GUCY2C: variants seen among roughly 807,000 people sequenced by gnomAD.
GUCY2C encodes guanylyl cyclase C.
A neutral mutation model predicts 131.1 loss-of-function variants in GUCY2C; 118 were observed. The observed-to-expected ratio is 0.90, with a 90% CI of 0.78 to 1.05. The LOEUF (loss-of-function observed/expected upper bound fraction) is 1.05, where lower values mean the gene tolerates loss of function less well. Ranked by LOEUF, GUCY2C falls within the 50% of genes least tolerant of loss-of-function variation. The pLI is 0.00. For missense variants in GUCY2C, 1,161 were observed against 1,304.4 expected (o/e 0.89, Z 1.69); for synonymous variants, 452 against 457.8 (o/e 0.99, Z 0.16).
intron 1 of GUCY2C, among the ~76,000 whole-genome samples, chr12:14,690,536 T>C (rs1369342935): frequency 2.0e-5 from 3 of 152,090 alleles, no homozygotes; most frequent in Non-Finnish European, 4.4e-5. Context: ...GATGTTCTTT[T>C]TTTTTCTTTT....
Position 14,645,292 on chromosome 12 carries a change from G to T in GUCY2C, c.1734C>A (p.Ser578=). The T allele has an allele frequency of 6.3e-7, 1 of 1,591,494 alleles. No homozygotes were observed. Among genetic ancestry groups the T allele is most frequent in the Non-Finnish European group, 8.6e-7 (1 of 1,160,318 alleles). The change falls in exon 16 of 27, where the codon TCC becomes TCA. Residue 578 remains serine, a synonymous_variant. Coordinates refer to ENST00000261170, the MANE Select transcript of GUCY2C (RefSeq NM_004963.4). ...AATCCATGAATGTGCCATCAGGGTA[G>T]GAAATTGTGTCATTTAAAACTTCCT... ...SLREVLNDTI[S]YPDGTFMDWE...
At chr12:14,653,138 C>T in intron 12 of GUCY2C, 124 bp from the exon 13 acceptor site, 2 of 774,602 alleles carry the variant, frequency 2.6e-6, no homozygotes, top group African/African-American at 1.7e-5. Flanking sequence ...GCTGGGCAAG[C>T]AGGCTTCCAG....
chr12:14,641,360 AT>A, intron 17 of GUCY2C, 141 bp from the exon 18 acceptor site: 1 of 859,228 alleles, frequency 1.2e-6, no homozygotes, highest in Non-Finnish European at 1.8e-6. Flanking sequence ...AATTGATATG[AT>A]TCCAAATTTT....
At chr12:14,666,749 A>T (rs1041954408) in intron 10 of GUCY2C, among the ~76,000 whole-genome samples, 6 of 151,300 alleles carry the variant, frequency 4.0e-5, no homozygotes, top group Middle Eastern at 3.4e-3. Context: ...AAAAAAAAAA[A>T]AGAGTAAGAA....
At position 14,612,834 on chromosome 12, in the gene GUCY2C, T is replaced by G; in HGVS notation, c.*283A>C. 3.3e-6 allele frequency: 1 copy of G among 305,284 alleles called. No homozygotes were observed. Among genetic ancestry groups the G allele is most frequent in the Non-Finnish European group, 6.0e-6 (1 of 167,900 alleles). The allele number at this position is 305,284 out of a possible 1,614,324, so 18.9% of individuals were successfully genotyped here. ...AAAAATAAATGAAATAAGAATAAAATCTTCTCAAGTTCTAGATAGTCTATT... is the reference window on the plus strand; with the variant it reads ...AAAAATAAATGAAATAAGAATAAAAGCTTCTCAAGTTCTAGATAGTCTATT... On this transcript the variant is annotated 3_prime_UTR_variant, in exon 27 of 27. Coordinates refer to ENST00000261170, the MANE Select transcript of GUCY2C (RefSeq NM_004963.4).
intron 19 of GUCY2C, among the ~76,000 whole-genome samples, chr12:14,636,977 C>T (rs1245736480): frequency 6.6e-6 from 1 of 151,774 alleles, no homozygotes; most frequent in Non-Finnish European, 1.5e-5. Flanking sequence ...CCTGTAATCC[C>T]TGCTACTTGG....
chr12:14,661,515 T>C (rs1947866396), intron 10 of GUCY2C, among the ~76,000 whole-genome samples: 1 of 152,136 alleles, frequency 6.6e-6, no homozygotes, highest in African/African-American at 2.4e-5. Flanking sequence ...CTTGGCTCAC[T>C]GCAACCTCTG....
intron 10 of GUCY2C, among the ~76,000 whole-genome samples, chr12:14,664,568 A>T (rs1947931726): frequency 6.6e-6 from 1 of 152,136 alleles, no homozygotes; most frequent in South Asian, 2.1e-4. Context: ...TTTGCCTTTT[A>T]GATAAACGCA....
chr12:14,614,143 A>C (rs1235541198), intron 26 of GUCY2C, among the ~76,000 whole-genome samples: 1 of 152,160 alleles, frequency 6.6e-6, no homozygotes, highest in Non-Finnish European at 1.5e-5. Flanking sequence ...ACATGCATGA[A>C]GTGAACTCTA....
At position 14,622,010 on chromosome 12, in the gene GUCY2C, A is replaced by G; in HGVS notation, c.2596T>C (p.Tyr866His). The G allele has an allele frequency of 1.3e-6, 2 of 1,595,134 alleles. No homozygotes were observed. The highest frequency in any genetic ancestry group is 1.1e-5 in the South Asian group (1 of 87,912). The change falls in exon 22 of 27, where the codon TAC (tyrosine) becomes CAC (histidine). Residue 866 changes from tyrosine to histidine, a missense_variant. Physicochemically the swap from Tyr to His is moderately conservative, Grantham distance 83. Coordinates refer to ENST00000261170, the MANE Select transcript of GUCY2C (RefSeq NM_004963.4). ...FDHIVDHHDVYKVETIGDAYM... is the reference protein window; with the variant it reads ...FDHIVDHHDVHKVETIGDAYM... ...CTGTTAGGTGATGTGGTTACCTTGTAGACATCATGATGATCAACAATGTGG... is the reference window on the plus strand; with the variant it reads ...CTGTTAGGTGATGTGGTTACCTTGTGGACATCATGATGATCAACAATGTGG...
chr12:14,620,153 GC>G (rs1384243212), intron 23 of GUCY2C, among the ~76,000 whole-genome samples: 4 of 152,104 alleles, frequency 2.6e-5, no homozygotes, highest in Non-Finnish European at 5.9e-5. Context: ...ACTAAGTTTG[GC>G]CTGAGGCTGC....
chr12:14,663,427 G>T (rs1284531083), intron 10 of GUCY2C, among the ~76,000 whole-genome samples: 1 of 152,062 alleles, frequency 6.6e-6, no homozygotes, highest in Non-Finnish European at 1.5e-5. Flanking sequence ...GATTACAGGC[G>T]CACGCCACCA....
intron 18 of GUCY2C, 152 bp from the exon 19 acceptor site, chr12:14,640,102 G>C: frequency 1.6e-6 from 1 of 615,106 alleles, no homozygotes. Context: ...CAGTAGACAG[G>C]TGTTGATTCA....
chr12:14,670,663 T>C (rs1281860622), intron 9 of GUCY2C, among the ~76,000 whole-genome samples: 3 of 151,798 alleles, frequency 2.0e-5, no homozygotes, highest in Non-Finnish European at 4.4e-5. Context: ...TGAATAAGTC[T>C]CACGAGATCT....
At chr12:14,621,936 AC>A in intron 22 of GUCY2C, 68 bp downstream of exon 22, 1 of 1,096,678 alleles carries the variant, frequency 9.1e-7, no homozygotes, top group South Asian at 1.5e-5. Context: ...AACAGAAACA[AC>A]CAATTCAGGC....
intron 9 of GUCY2C, 54 bp downstream of exon 9, chr12:14,672,819 C>T (rs1264376561): frequency 2.1e-6 from 2 of 942,762 alleles, no homozygotes; most frequent in African/African-American, 1.6e-5. Context: ...TCCAAGTTAC[C>T]CCTCCTCACC....
rs1167568217 is a variant in GUCY2C at position 14,679,678 on chromosome 12, A to G, written c.809T>C (p.Ile270Thr). 6.4e-7 allele frequency: 1 copy of G among 1,570,402 alleles called. No individual in the cohort carries two copies. The highest frequency in any genetic ancestry group is 1.3e-5 in the African/African-American group (1 of 74,236). The change falls in exon 6 of 27, where the codon ATT (isoleucine) becomes ACT (threonine). Residue 270 changes from isoleucine (I) to threonine (T), a missense_variant. Physicochemically the swap from Ile to Thr is moderately conservative, Grantham distance 89. Transcript: ENST00000261170. ...GDRAVAEDIV[I>T]ILVDLFNDQY... ...CTACTTGAAAAGATCCACTAGAATA[A>G]TGACAATGTCTTCAGCCACTGCTCG...
At chr12:14,678,999 C>T (rs1008884952) in intron 6 of GUCY2C, among the ~76,000 whole-genome samples, 10 of 152,092 alleles carry the variant, frequency 6.6e-5, no homozygotes, top group Non-Finnish European at 1.2e-4. Context: ...GACTACGCCA[C>T]AGAGGGTGAG....
intron 6 of GUCY2C, 62 bp from the exon 7 acceptor site, chr12:14,677,033 G>A: frequency 3.8e-6 from 2 of 532,150 alleles, no homozygotes. Flanking sequence ...ATCTTCTATA[G>A]TTCACACAAA....
Sources: allele counts gnomAD v4.1 joint callset (sites outside exome capture counted in the v4.1 genomes callset), GRCh38; gene constraint gnomAD v4.1.1; transcripts MANE v1.5; gene names NCBI Gene and HGNC (gene_info 2026-07-23, HGNC 2026-07-21).